The following PTPRD variants were observed in gnomAD, a reference collection of about 807,000 sequenced individuals.
PTPRD encodes protein tyrosine phosphatase receptor type D.
In PTPRD, 34 loss-of-function variants were observed where a neutral mutation model predicts 214.5. The ratio of observed to expected loss-of-function variants is 0.16; its 90% CI spans 0.12 to 0.21. The LOEUF is 0.21. Among genes scored for constraint, PTPRD ranks in the 10% least tolerant of loss-of-function variants. The pLI is 1.00. For synonymous variants in PTPRD, 1,128 were observed against 845.7 expected, an observed-to-expected ratio of 1.33 and a Z score of -5.79; for missense variants, 2,545 against 2,398.7, an observed-to-expected ratio of 1.06 and a Z score of -1.27.
intron 7 of PTPRD, among the ~76,000 whole-genome samples, chr9:9,609,655 G>T (rs979218343): frequency 2.6e-5 from 4 of 152,112 alleles, no homozygotes; most frequent in African/African-American, 9.7e-5. Flanking sequence ...TAGAGATGGG[G>T]TTTCCCCATG....
At chr9:9,089,704 G>C (rs996864860) in intron 10 of PTPRD, among the ~76,000 whole-genome samples, 1 of 152,130 alleles carries the variant, frequency 6.6e-6, no homozygotes, top group Non-Finnish European at 1.5e-5. Context: ...ATTTTATAAT[G>C]CAGAGTAAGA....
chr9:8,661,460 C>G (rs1454663901), intron 12 of PTPRD, among the ~76,000 whole-genome samples: 2 of 151,624 alleles, frequency 1.3e-5, no homozygotes, highest in East Asian at 3.9e-4. Flanking sequence ...ACTTTGTATT[C>G]CAAAGGGAAA....
chr9:10,014,949 GTAAT>G (rs2096672312), intron 4 of PTPRD, among the ~76,000 whole-genome samples: 1 of 152,062 alleles, frequency 6.6e-6, no homozygotes, highest in Non-Finnish European at 1.5e-5. Flanking sequence ...TTGGGATTGA[GTAAT>G]TAAAATGTCT....
At chr9:9,155,985 G>A (rs1160811830) in intron 10 of PTPRD, among the ~76,000 whole-genome samples, 2 of 152,020 alleles carry the variant, frequency 1.3e-5, no homozygotes, top group Non-Finnish European at 2.9e-5. Flanking sequence ...CTTGTAACTT[G>A]GTCATTCTTA....
intron 2 of PTPRD, among the ~76,000 whole-genome samples, chr9:10,428,288 C>A (rs1391417246): frequency 2.6e-5 from 4 of 152,138 alleles, no homozygotes; most frequent in Middle Eastern, 3.4e-3. Flanking sequence ...CACTGCACGA[C>A]AGAGCAAGAC....
intron 11 of PTPRD, among the ~76,000 whole-genome samples, chr9:9,000,769 C>T (rs534224583): frequency 1.3e-5 from 2 of 152,014 alleles, no homozygotes; most frequent in East Asian, 1.9e-4. Context: ...TCACATAGAA[C>T]AATTTAATAT....
At chr9:9,948,792 T>A (rs1458497326) in intron 4 of PTPRD, among the ~76,000 whole-genome samples, 1 of 152,018 alleles carries the variant, frequency 6.6e-6, no homozygotes, top group Non-Finnish European at 1.5e-5. Context: ...TTATATTAGA[T>A]CTGATCTCAA....
chr9:8,460,698 G>C (rs1172626027), intron 32 of PTPRD, 127 bp from the exon 33 acceptor site: 5 of 853,564 alleles, frequency 5.9e-6, no homozygotes, highest in East Asian at 2.8e-5. Context: ...TGCAATATTA[G>C]CAAAACAGAG....
At chr9:8,539,855 T>C (rs2077940123) in intron 14 of PTPRD, among the ~76,000 whole-genome samples, 1 of 152,002 alleles carries the variant, frequency 6.6e-6, no homozygotes, top group East Asian at 1.9e-4. Context: ...CTGTGGAAAA[T>C]TATAAAAACT....
intron 2 of PTPRD, among the ~76,000 whole-genome samples, chr9:10,465,094 C>G (rs879665903): frequency 3.9e-5 from 6 of 152,090 alleles, no homozygotes; most frequent in Non-Finnish European, 7.4e-5. Context: ...ATAGAAAACA[C>G]TGAGTGCCTT....
chr9:10,136,408 A>C (rs2098944031), intron 3 of PTPRD, among the ~76,000 whole-genome samples: 1 of 152,124 alleles, frequency 6.6e-6, no homozygotes, highest in Non-Finnish European at 1.5e-5. Context: ...AGAATACTCA[A>C]CCTAACAACC....
chr9:8,556,090 G>A (rs181460970), intron 14 of PTPRD, among the ~76,000 whole-genome samples: 4 of 152,300 alleles, frequency 2.6e-5, no homozygotes, highest in Admixed American at 2.6e-4. Flanking sequence ...CAGAAGGCAA[G>A]AATTTCAAGC....
intron 2 of PTPRD, among the ~76,000 whole-genome samples, chr9:10,448,896 C>G (rs939204965): frequency 4.6e-5 from 7 of 152,016 alleles, no homozygotes; most frequent in Non-Finnish European, 7.4e-5. Context: ...CATGCTTTTT[C>G]AAATTTAGAG....
intron 8 of PTPRD, among the ~76,000 whole-genome samples, chr9:9,455,549 C>T (rs1263142574): frequency 6.6e-6 from 1 of 151,510 alleles, no homozygotes; most frequent in Non-Finnish European, 1.5e-5. Context: ...TTACAAGGCC[C>T]CCAAAAGGCC....
intron 9 of PTPRD, among the ~76,000 whole-genome samples, chr9:9,193,405 G>GT (rs2099936443): frequency 6.6e-6 from 1 of 152,100 alleles, no homozygotes; most frequent in Non-Finnish European, 1.5e-5. Context: ...GGATAAATGT[G>GT]TAAGTACACT....
At chr9:8,846,151 A>G (rs2814723) in intron 11 of PTPRD, among the ~76,000 whole-genome samples, 110,594 of 152,024 alleles carry the variant, frequency 0.73, 40,646 homozygotes, top group African/African-American at 0.83. Context: ...GTAAGGAACT[A>G]GGTAAATGAA....
chr9:8,431,023 T>C (rs189637048), intron 35 of PTPRD, among the ~76,000 whole-genome samples: 2 of 152,288 alleles, frequency 1.3e-5, no homozygotes, highest in East Asian at 1.9e-4. Context: ...TGTAGTACTG[T>C]AGTGGATAAT....
chr9:9,771,056 G>C lies in PTPRD; in HGVS notation c.-367-4205C>G, dbSNP rs114222901. Among the ~76,000 whole-genome samples, 1,471 of 152,228 alleles carry C rather than the reference G, an allele frequency of 9.7e-3. 18 individuals are homozygous for C. Among genetic ancestry groups the C allele is most frequent in the African/African-American group, 0.033 (1,378 of 41,552 alleles). ...CAACAATTATTACTTCACCAGAGCA[G>C]AATCACTATTTTACTCCAAAACAAA... On this transcript the variant is annotated intron_variant, in intron 5 of 45. Transcript: ENST00000381196.
intron 8 of PTPRD, among the ~76,000 whole-genome samples, chr9:9,564,642 C>T (rs889306103): frequency 1.3e-5 from 2 of 151,868 alleles, no homozygotes; most frequent in Non-Finnish European, 2.9e-5. Flanking sequence ...TCCTGGGGTA[C>T]ATATGTCTTA....
Sources: gnomAD v4.1 joint callset for allele counts (sites outside exome capture counted in the v4.1 genomes callset) on GRCh38, gnomAD v4.1.1 for gene constraint, MANE v1.5 for transcripts, NCBI Gene and HGNC (gene_info 2026-07-23, HGNC 2026-07-21) for gene names.